The following GLG1 variants were observed in gnomAD, a reference collection of about 807,000 sequenced individuals.
The protein encoded by GLG1 is Golgi apparatus protein 1.
Under a neutral mutation model 160.5 loss-of-function variants are expected in GLG1, and 38 were observed. The ratio of observed to expected loss-of-function variants is 0.24; its 90% CI spans 0.18 to 0.31. The LOEUF is 0.31. Among genes scored for constraint, GLG1 ranks in the 10% least tolerant of loss-of-function variants. GLG1 has a pLI of 1.00. For missense variants in GLG1, 1,373 were observed against 1,505.2 expected (o/e 0.91, Z 1.45); for synonymous variants, 644 against 543.4 (o/e 1.19, Z -2.57).
At chr16:74,591,096 G>C (rs1284926082) in intron 1 of GLG1, among the ~76,000 whole-genome samples, 1 of 152,128 alleles carries the variant, frequency 6.6e-6, no homozygotes, top group East Asian at 1.9e-4. Flanking sequence ...ACTTTGGGAG[G>C]CCAAGGTGGG....
intron 11 of GLG1, among the ~76,000 whole-genome samples, chr16:74,477,829 C>G (rs2015441901): frequency 1.3e-5 from 2 of 151,782 alleles, no homozygotes; most frequent in Non-Finnish European, 2.9e-5. Flanking sequence ...CAAAATTAGC[C>G]AGGCATGGTG....
intron 1 of GLG1, among the ~76,000 whole-genome samples, chr16:74,606,247 T>G (rs561046913): frequency 4.1e-4 from 62 of 152,376 alleles, no homozygotes; most frequent in Non-Finnish European, 7.8e-4. Context: ...ACAGCCTAAG[T>G]ACGCCAGGCA....
chr16:74,594,150 G>T (rs949502223), intron 1 of GLG1, among the ~76,000 whole-genome samples: 1 of 152,038 alleles, frequency 6.6e-6, no homozygotes, highest in Non-Finnish European at 1.5e-5. Context: ...CAGGTGATCT[G>T]CCCACCTCAG....
chr16:74,565,988 C>T (rs566001208), intron 1 of GLG1, among the ~76,000 whole-genome samples: 3 of 152,258 alleles, frequency 2.0e-5, no homozygotes, highest in African/African-American at 4.8e-5. Context: ...GAGGAAACCT[C>T]GTCAGGTATT....
At chr16:74,514,780 A>T (rs1309639717) in intron 2 of GLG1, among the ~76,000 whole-genome samples, 5 of 152,242 alleles carry the variant, frequency 3.3e-5, no homozygotes. Context: ...GATCAAATTC[A>T]CACATAACAA....
intron 1 of GLG1, among the ~76,000 whole-genome samples, chr16:74,549,193 GTCACT>G (rs1317618595): frequency 1.3e-5 from 2 of 151,794 alleles, no homozygotes; most frequent in African/African-American, 4.8e-5. Context: ...AATTTTATGA[GTCACT>G]TCAAGATATG....
chr16:74,589,638 G>C (rs1958130148), intron 1 of GLG1, among the ~76,000 whole-genome samples: 1 of 152,020 alleles, frequency 6.6e-6, no homozygotes, highest in Non-Finnish European at 1.5e-5. Flanking sequence ...GAGGCAAGCA[G>C]GCTGAGAATC....
At position 74,494,845 on chromosome 16, in the gene GLG1, C is replaced by T. The variant is rs747102662; in HGVS notation, c.979-14G>A. On this transcript the variant is annotated splice_polypyrimidine_tract_variant and intron_variant, in intron 5 of 25. Transcript: ENST00000422840. The stretch of plus-strand genomic sequence containing the variant: ...ACCAGCTTGTGTCTATAAGATGGAA[C>T]ATACACATTATTATTACTTTAGCTA... 4.0e-6 allele frequency: 5 copies of T among 1,258,466 alleles called. No homozygotes were observed. The East Asian group carries it at 6.9e-5, about 17-fold the overall frequency. 78.0% of individuals were successfully genotyped at this position (1,258,466 alleles called of 1,614,324 possible).
In GLG1 at chr16:74,451,913, G is replaced by C. The variant is rs923651785; in HGVS notation, c.*1254C>G. ...TACAACATTTAGCCAATGCCTACTA[G>C]AGTGGGTACACGCAGCAAATGGACA... is the stretch of plus-strand genomic sequence containing the variant. On this transcript the variant is annotated 3_prime_UTR_variant, in exon 26 of 26. Transcript: ENST00000422840. The C allele has an allele frequency of 1.5e-6, 1 of 658,544 alleles. No homozygotes were observed. Among genetic ancestry groups the C allele is most frequent in the Non-Finnish European group, 2.7e-6 (1 of 363,760 alleles). The allele number at this position is 658,544 out of a possible 1,614,324, so 40.8% of individuals were successfully genotyped here. A position where few individuals can be genotyped will look rare whatever the true frequency, so the allele number is the denominator to read the frequency against.
intron 1 of GLG1, among the ~76,000 whole-genome samples, chr16:74,568,342 T>C (rs2018718322): frequency 6.6e-6 from 1 of 152,008 alleles, no homozygotes; most frequent in African/African-American, 2.4e-5. Context: ...TCCTAACTGA[T>C]ATAGTGAGGA....
chr16:74,487,648 A>G (rs2015840416), intron 8 of GLG1, among the ~76,000 whole-genome samples: 1 of 152,224 alleles, frequency 6.6e-6, no homozygotes, highest in Non-Finnish European at 1.5e-5. Flanking sequence ...CAAAGACCAA[A>G]GCATTTACAT....
rs2014211351 is a variant in GLG1, at chr16:74,449,698, C to G, written c.*3469G>C. On this transcript the variant is annotated 3_prime_UTR_variant, in exon 26 of 26. Coordinates refer to ENST00000422840, the MANE Select transcript of GLG1 (RefSeq NM_001145667.2). ...TTCAAGTCAATACCTGCTCACTCAACATTAGCTCACTGGTCACCCTAGAAT... is the reference window on the plus strand; with the variant it reads ...TTCAAGTCAATACCTGCTCACTCAAGATTAGCTCACTGGTCACCCTAGAAT... 6.6e-6 allele frequency: 1 copy of G among 152,252 alleles called. No individual in the cohort carries two copies. The highest frequency in any genetic ancestry group is 6.5e-5 in the Admixed American group (1 of 15,290). The allele number at this position is 152,252 out of a possible 1,614,324, so 9.4% of individuals were successfully genotyped here.
At chr16:74,503,420 T>C (rs945414145) in intron 4 of GLG1, 111 bp downstream of exon 4, 1 of 740,108 alleles carries the variant, frequency 1.4e-6, no homozygotes, top group African/African-American at 1.8e-5. Context: ...GTTTCTTCAA[T>C]TTCAACTTAA....
At chr16:74,496,231 G>A (rs1019068163) in intron 5 of GLG1, among the ~76,000 whole-genome samples, 3 of 152,096 alleles carry the variant, frequency 2.0e-5, no homozygotes, top group Admixed American at 6.6e-5. Context: ...TCACACCACT[G>A]CACTCCAGCC....
intron 1 of GLG1, among the ~76,000 whole-genome samples, chr16:74,571,649 A>C (rs906072000): frequency 1.4e-4 from 17 of 118,730 alleles, no homozygotes; most frequent in Admixed American, 4.7e-4. Flanking sequence ...GCAAGGCTCC[A>C]TCTCAAAAAG....
chr16:74,518,336 T>C (rs2017051789), intron 2 of GLG1, among the ~76,000 whole-genome samples: 1 of 152,182 alleles, frequency 6.6e-6, no homozygotes, highest in African/African-American at 2.4e-5. Flanking sequence ...AGCGTGGTAC[T>C]GGTACCAAAA....
At chr16:74,595,214 A>G (rs1170967260) in intron 1 of GLG1, among the ~76,000 whole-genome samples, 2 of 150,630 alleles carry the variant, frequency 1.3e-5, no homozygotes, top group Non-Finnish European at 3.0e-5. Context: ...AATTTAATTA[A>G]CATGAACCAC....
At chr16:74,533,171 A>G (rs2017592762) in intron 1 of GLG1, among the ~76,000 whole-genome samples, 1 of 152,066 alleles carries the variant, frequency 6.6e-6, no homozygotes, top group African/African-American at 2.4e-5. Context: ...ATACAAAAAA[A>G]TTAGCCGGGC....
At chr16:74,533,586 G>C (rs1032443340) in intron 1 of GLG1, among the ~76,000 whole-genome samples, 1 of 151,738 alleles carries the variant, frequency 6.6e-6, no homozygotes, top group African/African-American at 2.4e-5. Flanking sequence ...TTCAAGACTA[G>C]CCTGGCCAAC....
Sources: gnomAD v4.1 joint callset for allele counts (sites outside exome capture counted in the v4.1 genomes callset) on GRCh38, gnomAD v4.1.1 for gene constraint, MANE v1.5 for transcripts, NCBI Gene and HGNC (gene_info 2026-07-23, HGNC 2026-07-21) for gene names.